The following SLC4A10 variants were observed in gnomAD, a reference collection of about 807,000 sequenced individuals.
The protein encoded by SLC4A10 is solute carrier family 4 member 10.
SLC4A10 carries 42 observed loss-of-function variants against 137.7 expected under a neutral mutation model. That is an observed-to-expected ratio of 0.30 (90% CI 0.24 to 0.39). The LOEUF (loss-of-function observed/expected upper bound fraction) is 0.39, where lower values mean the gene tolerates loss of function less well. Ranked by LOEUF, SLC4A10 falls within the 10% of genes least tolerant of loss-of-function variation. SLC4A10 has a pLI of 1.00. For missense variants in SLC4A10, 925 were observed against 1,355.0 expected (o/e 0.68, Z 4.98); for synonymous variants, 474 against 464.1 (o/e 1.02, Z -0.27).
chr2:161,962,851 C>T (rs555527459), intron 21 of SLC4A10, among the ~76,000 whole-genome samples: 2 of 152,214 alleles, frequency 1.3e-5, no homozygotes, highest in East Asian at 3.9e-4. Flanking sequence ...TGTTTTGACT[C>T]TAACATTTTG....
At chr2:161,870,143 T>C (rs2061025975) in intron 6 of SLC4A10, among the ~76,000 whole-genome samples, 1 of 151,014 alleles carries the variant, frequency 6.6e-6, no homozygotes, top group South Asian at 2.1e-4. Flanking sequence ...ATTATTATAA[T>C]TATTACATAA....
At chr2:161,922,375 G>A (rs895772078) in intron 15 of SLC4A10, among the ~76,000 whole-genome samples, 25 of 152,040 alleles carry the variant, frequency 1.6e-4, no homozygotes. Flanking sequence ...TAAGTACTAA[G>A]CAAACCTCTT....
chr2:161,727,037 C>T (rs1205931177), intron 1 of SLC4A10, among the ~76,000 whole-genome samples: 2 of 152,218 alleles, frequency 1.3e-5, no homozygotes, highest in Admixed American at 1.3e-4. Flanking sequence ...ACCCCTACTC[C>T]AGCAGAATAC....
chr2:161,728,692 T>C (rs374817511), intron 1 of SLC4A10, among the ~76,000 whole-genome samples: 2 of 152,070 alleles, frequency 1.3e-5, no homozygotes, highest in African/African-American at 4.8e-5. Flanking sequence ...AAAAAGACAC[T>C]TCCCAAATCA....
chr2:161,946,680 TCA>T (rs1196361391), intron 16 of SLC4A10, among the ~76,000 whole-genome samples: 5 of 145,576 alleles, frequency 3.4e-5, no homozygotes, highest in Non-Finnish European at 7.8e-5. Context: ...TTTGAAATGC[TCA>T]GTTTTTCCTG....
intron 15 of SLC4A10, among the ~76,000 whole-genome samples, chr2:161,912,233 A>G (rs1192359530): frequency 6.6e-6 from 1 of 152,244 alleles, no homozygotes; most frequent in Non-Finnish European, 1.5e-5. Context: ...TATCTTTCAC[A>G]CTTTCTTGTC....
intron 4 of SLC4A10, among the ~76,000 whole-genome samples, chr2:161,848,609 T>A (rs2059634782): frequency 6.6e-6 from 1 of 152,206 alleles, no homozygotes; most frequent in African/African-American, 2.4e-5. Context: ...GGCTAGCCAG[T>A]TATCCCAGCA....
intron 16 of SLC4A10, 36 bp from the exon 17 acceptor site, chr2:161,947,530 T>C (rs1694047416): frequency 3.1e-6 from 5 of 1,592,184 alleles, no homozygotes; most frequent in South Asian, 1.1e-5. Flanking sequence ...TCCGGTTTTT[T>C]CTTAGTAGCT....
chr2:161,683,582 G>C (rs902066434), intron 1 of SLC4A10, among the ~76,000 whole-genome samples: 5 of 152,106 alleles, frequency 3.3e-5, no homozygotes, highest in Non-Finnish European at 7.4e-5. Context: ...TCTTTTGTTG[G>C]TTGGTTGAAA....
At chr2:161,745,433 T>TA (rs1386130328) in intron 1 of SLC4A10, among the ~76,000 whole-genome samples, 1 of 152,168 alleles carries the variant, frequency 6.6e-6, no homozygotes. Flanking sequence ...ATCTTTTTGT[T>TA]AAATTTATCT....
intron 14 of SLC4A10, 63 bp downstream of exon 14, chr2:161,904,972 C>T (rs1575568141): frequency 1.3e-6 from 2 of 1,509,302 alleles, no homozygotes; most frequent in East Asian, 4.6e-5. Context: ...ATTTATACTT[C>T]TCCCAACATC....
rs144809334 is a variant in SLC4A10, at chr2:161,942,394, C to T, written c.1998-398C>T. On this transcript the variant is annotated intron_variant, in intron 15 of 26. Transcript: ENST00000446997. ...TAGCTAGAGTTCTCCTTTCAACTAG[C>T]CTTAATTTTGAATTATATGCCAGTT... Among the ~76,000 whole-genome samples, 506 of 152,082 alleles carry T rather than the reference C, an allele frequency of 3.3e-3. 3 individuals are homozygous for T. The highest frequency in any genetic ancestry group is 5.8e-3 in the Non-Finnish European group (395 of 67,978).
At chr2:161,977,365 C>T (rs982621808) in intron 25 of SLC4A10, 1 of 460,612 alleles carries the variant, frequency 2.2e-6, no homozygotes, top group African/African-American at 2.0e-5. Flanking sequence ...ACTTTCAACT[C>T]CTGAAAGTTC....
At chr2:161,844,398 T>C (rs2059369275) in intron 4 of SLC4A10, among the ~76,000 whole-genome samples, 1 of 152,144 alleles carries the variant, frequency 6.6e-6, no homozygotes, top group Non-Finnish European at 1.5e-5. Flanking sequence ...TAGGTTTGGA[T>C]GTATATCATT....
intron 2 of SLC4A10, among the ~76,000 whole-genome samples, chr2:161,786,824 A>C (rs1029138131): frequency 6.8e-6 from 1 of 147,504 alleles, no homozygotes; most frequent in South Asian, 2.2e-4. Flanking sequence ...TTCTGTTCAA[A>C]GTTTATGCTT....
intron 1 of SLC4A10, among the ~76,000 whole-genome samples, chr2:161,634,843 C>A (rs1036235090): frequency 6.6e-6 from 1 of 152,030 alleles, no homozygotes; most frequent in East Asian, 1.9e-4. Flanking sequence ...CATTGACCAA[C>A]CTTTACCCAT....
intron 2 of SLC4A10, among the ~76,000 whole-genome samples, chr2:161,800,013 A>G (rs962930257): frequency 6.6e-6 from 1 of 152,042 alleles, no homozygotes; most frequent in Admixed American, 6.6e-5. Context: ...GAGAATGAGA[A>G]GGTCCTGGTT....
intron 1 of SLC4A10, chr2:161,710,543 A>T (rs1307044667): frequency 9.0e-6 from 2 of 221,488 alleles, no homozygotes; most frequent in African/African-American, 4.6e-5. Context: ...CTATTTCAAA[A>T]TATACTACAA....
chr2:161,720,037 T>G lies in SLC4A10; in HGVS notation c.49-50936T>G, dbSNP rs983146694. 4.3e-4 allele frequency among the ~76,000 whole-genome samples: 65 copies of G among 152,206 alleles called. 1 individual carries two copies. The highest frequency in any genetic ancestry group is 6.9e-4 in the Non-Finnish European group (47 of 68,048). Reference sequence around the variant, plus strand: ...GTTTTTATGGTTTTAGGTCTAACATTTAAGTCTTTAATCCATCTTGAATTA... The same window carrying G: ...GTTTTTATGGTTTTAGGTCTAACATGTAAGTCTTTAATCCATCTTGAATTA... On this transcript the variant is annotated intron_variant, in intron 1 of 26. Coordinates refer to ENST00000446997, the MANE Select transcript of SLC4A10 (RefSeq NM_001178015.2).
Sources: gnomAD v4.1 joint callset for allele counts (sites outside exome capture counted in the v4.1 genomes callset) on GRCh38, gnomAD v4.1.1 for gene constraint, MANE v1.5 for transcripts, NCBI Gene and HGNC (gene_info 2026-07-23, HGNC 2026-07-21) for gene names.